The following SPTLC1 variants were observed in gnomAD, a reference collection of about 807,000 sequenced individuals.
SPTLC1 encodes the protein serine palmitoyltransferase 1.
SPTLC1 carries 55 observed loss-of-function variants against 68.9 expected under a neutral mutation model. The ratio of observed to expected loss-of-function variants is 0.80; its 90% CI spans 0.64 to 1.00. SPTLC1 has a LOEUF of 1.00. SPTLC1 is among the 50% of genes least tolerant of loss of function. The probability of loss-of-function intolerance (pLI) is 0.00; values close to 1 mark genes in which losing one functional copy is unlikely to be tolerated. For missense variants in SPTLC1, 449 were observed against 573.1 expected, an observed-to-expected ratio of 0.78 and a Z score of 2.21; for synonymous variants, 197 against 201.6, an observed-to-expected ratio of 0.98 and a Z score of 0.19.
chr9:92,068,332 C>A (rs1471864212), intron 5 of SPTLC1, among the ~76,000 whole-genome samples: 1 of 152,196 alleles, frequency 6.6e-6, no homozygotes, highest in African/African-American at 2.4e-5. Context: ...AAATGTGTTA[C>A]TGGGGCAGTT....
chr9:92,105,330 A>G (rs1000305900), intron 3 of SPTLC1: 2 of 1,522,696 alleles, frequency 1.3e-6, no homozygotes, highest in African/African-American at 2.8e-5. Context: ...CGCCTCCAGC[A>G]GGGCAACATG....
intron 13 of SPTLC1, among the ~76,000 whole-genome samples, chr9:92,037,550 C>T (rs1337295926): frequency 6.6e-6 from 1 of 152,126 alleles, no homozygotes; most frequent in Non-Finnish European, 1.5e-5. Context: ...GCTCTTCCTC[C>T]CCCTTTTAAA....
At chr9:92,050,124 T>C in intron 8 of SPTLC1, 57 bp from the exon 9 acceptor site, 4 of 1,123,416 alleles carry the variant, frequency 3.6e-6, no homozygotes, top group Non-Finnish European at 5.4e-6. Flanking sequence ...GAACATATTA[T>C]GGAGAAAAAA....
intron 3 of SPTLC1, among the ~76,000 whole-genome samples, chr9:92,106,336 TG>T (rs766746711): frequency 8.6e-5 from 13 of 151,938 alleles, no homozygotes; most frequent in Non-Finnish European, 1.8e-4. Context: ...TAGGCAGGCA[TG>T]GTGGCTTGTG....
intron 5 of SPTLC1, among the ~76,000 whole-genome samples, chr9:92,077,448 C>T (rs528852336): frequency 6.6e-6 from 1 of 152,246 alleles, no homozygotes; most frequent in South Asian, 2.1e-4. Context: ...CAACCACAGT[C>T]GTCTGCAGAA....
At chr9:92,085,386 T>C (rs2118710986) in intron 3 of SPTLC1, among the ~76,000 whole-genome samples, 1 of 151,746 alleles carries the variant, frequency 6.6e-6, no homozygotes, top group Non-Finnish European at 1.5e-5. Context: ...TTTAGTGCTA[T>C]AAATTTCCCT....
intron 3 of SPTLC1, 24 bp from the exon 4 acceptor site, chr9:92,080,987 A>G: frequency 6.4e-7 from 1 of 1,553,656 alleles, no homozygotes; most frequent in East Asian, 2.2e-5. Flanking sequence ...AGAGTGGTAC[A>G]TGTCAATTAC....
At chr9:92,083,599 T>C (rs997303119) in intron 3 of SPTLC1, among the ~76,000 whole-genome samples, 38 of 152,352 alleles carry the variant, frequency 2.5e-4, no homozygotes, top group African/African-American at 9.1e-4. Flanking sequence ...CATTGATCTA[T>C]ATCTCTGTTT....
intron 5 of SPTLC1, among the ~76,000 whole-genome samples, chr9:92,072,208 A>G (rs960905669): frequency 5.3e-5 from 8 of 152,054 alleles, no homozygotes; most frequent in African/African-American, 1.4e-4. Context: ...TCTTCCATCA[A>G]AGAGACTTCC....
intron 3 of SPTLC1, among the ~76,000 whole-genome samples, chr9:92,091,944 A>G (rs1018724935): frequency 6.6e-6 from 1 of 152,246 alleles, no homozygotes; most frequent in Non-Finnish European, 1.5e-5. Flanking sequence ...GATAAGGGAC[A>G]TTCAAAACGA....
At chr9:92,092,061 T>C (rs1835380804) in intron 3 of SPTLC1, among the ~76,000 whole-genome samples, 1 of 152,236 alleles carries the variant, frequency 6.6e-6, no homozygotes, top group Non-Finnish European at 1.5e-5. Context: ...CTGATCTTTA[T>C]ACTGTCTCTT....
intron 8 of SPTLC1, 96 bp downstream of exon 8, chr9:92,055,309 C>A (rs934629494): frequency 1.3e-6 from 2 of 1,576,832 alleles, no homozygotes; most frequent in Non-Finnish European, 1.7e-6. Context: ...ATGCGCAAAG[C>A]AACGCAGACG....
chr9:92,035,688 C>T (rs1291596267), intron 13 of SPTLC1, among the ~76,000 whole-genome samples: 1 of 152,032 alleles, frequency 6.6e-6, no homozygotes, highest in Non-Finnish European at 1.5e-5. Context: ...AAAAAAATAG[C>T]AACAGAGCAA....
At chr9:92,085,282 AGCTTTTGAATGTGTTTG>A (rs1835074823) in intron 3 of SPTLC1, among the ~76,000 whole-genome samples, 1 of 141,608 alleles carries the variant, frequency 7.1e-6, no homozygotes, top group Non-Finnish European at 1.5e-5. Context: ...GCCTTCTGCT[AGCTTTTGAATGTGTTTG>A]CTCTTGCTTT....
At chr9:92,112,998 T>C (rs1411089646) in intron 1 of SPTLC1, among the ~76,000 whole-genome samples, 3 of 151,872 alleles carry the variant, frequency 2.0e-5, no homozygotes, top group African/African-American at 7.3e-5. Flanking sequence ...TCCCAGCTAC[T>C]TGGGAGGCTG....
rs756835720 is a variant in SPTLC1, at chr9:92,047,724, G to C, written c.889-16C>G. ...TATCATCAATCTGCCGGAAAAGGAG[G>C]AGTGACAGTTATTCCACAGTTTAAA... On this transcript the variant is annotated splice_polypyrimidine_tract_variant and intron_variant, in intron 9 of 14. Transcript: ENST00000262554. 1 of 1,573,446 alleles carries C rather than the reference G, an allele frequency of 6.4e-7. No individual in the cohort carries two copies. The highest frequency in any genetic ancestry group is 8.7e-7 in the Non-Finnish European group (1 of 1,144,260).
In SPTLC1 at chr9:92,093,122, G is replaced by T. The variant is rs548023635; in HGVS notation, c.261-12159C>A. Reference sequence around the variant, plus strand: ...GTTCAACTAAGTTAGAAAAAGAACAGAGTACACCTAAGAGATATATTAATA... The same window carrying T: ...GTTCAACTAAGTTAGAAAAAGAACATAGTACACCTAAGAGATATATTAATA... On this transcript the variant is annotated intron_variant, in intron 3 of 14. Coordinates refer to ENST00000262554, the MANE Select transcript of SPTLC1 (RefSeq NM_006415.4). 1.2e-4 allele frequency among the ~76,000 whole-genome samples: 18 copies of T among 152,260 alleles called. 1 individual carries two copies. The East Asian group carries it at 3.5e-3, about 29-fold the overall frequency.
At chr9:92,075,129 T>A (rs1834635396) in intron 5 of SPTLC1, among the ~76,000 whole-genome samples, 1 of 152,166 alleles carries the variant, frequency 6.6e-6, no homozygotes, top group Admixed American at 6.5e-5. Flanking sequence ...GACACTATCC[T>A]GCTTCTTCAA....
chr9:92,038,365 G>T lies in SPTLC1; in HGVS notation c.1137C>A (p.Gly379=), dbSNP rs1384271629. 3 of 1,591,304 alleles carry T rather than the reference G, an allele frequency of 1.9e-6. No individual in the cohort carries two copies. The highest frequency in any genetic ancestry group is 2.7e-5 in the African/African-American group (2 of 74,134). The change falls in exon 13 of 15, where the codon GGC becomes GGA. Residue 379 remains glycine, a splice_region_variant and synonymous_variant. Coordinates refer to ENST00000262554, the MANE Select transcript of SPTLC1 (RefSeq NM_006415.4). ...KCGQIHKALQ[G]ISGLKVVGES... ...CCCCCACCACTTTTAATCCAGAAATGCTGAAGAAGGGAAACACACACACAG... is the reference window on the plus strand; with the variant it reads ...CCCCCACCACTTTTAATCCAGAAATTCTGAAGAAGGGAAACACACACACAG...
Sources: gnomAD v4.1 joint callset for allele counts (sites outside exome capture counted in the v4.1 genomes callset) on GRCh38, gnomAD v4.1.1 for gene constraint, MANE v1.5 for transcripts, NCBI Gene and HGNC (gene_info 2026-07-23, HGNC 2026-07-21) for gene names.